The following PCDH7 variants were observed in gnomAD, a reference collection of about 807,000 sequenced individuals.
PCDH7 encodes protocadherin-7.
PCDH7 carries 17 observed loss-of-function variants against 58.9 expected under a neutral mutation model. That is an observed-to-expected ratio of 0.29 (90% CI 0.20 to 0.43). The LOEUF is 0.43. PCDH7 is among the 20% of genes least tolerant of loss of function. The pLI is 1.00. For synonymous variants in PCDH7, 664 were observed against 616.4 expected (o/e 1.08, Z -1.14); for missense variants, 1,274 against 1,441.0 (o/e 0.88, Z 1.88).
At chr4:30,747,748 A>C (rs1356949772) in intron 1 of PCDH7, among the ~76,000 whole-genome samples, 1 of 152,224 alleles carries the variant, frequency 6.6e-6, no homozygotes, top group Non-Finnish European at 1.5e-5. Context: ...ATGTAAGGTA[A>C]CATATTCACA....
chr4:30,747,385 T>C (rs1427178130), intron 1 of PCDH7, among the ~76,000 whole-genome samples: 1 of 152,230 alleles, frequency 6.6e-6, no homozygotes, highest in Non-Finnish European at 1.5e-5. Context: ...ACTTTTTTAT[T>C]TTAAATGGCT....
intron 3 of PCDH7, among the ~76,000 whole-genome samples, chr4:31,054,154 G>A (rs1756965696): frequency 6.6e-6 from 1 of 151,954 alleles, no homozygotes; most frequent in Admixed American, 6.6e-5. Flanking sequence ...TTGTAGAGAT[G>A]GGGGTTTCAC....
chr4:30,842,289 G>T (rs909732041), intron 1 of PCDH7, among the ~76,000 whole-genome samples: 2 of 152,214 alleles, frequency 1.3e-5, no homozygotes, highest in Non-Finnish European at 2.9e-5. Context: ...TTAACCGAAT[G>T]CATAGAAATA....
At chr4:31,141,538 T>C (rs1560263538) in intron 3 of PCDH7, among the ~76,000 whole-genome samples, 2 of 152,236 alleles carry the variant, frequency 1.3e-5, no homozygotes, top group Admixed American at 1.3e-4. Flanking sequence ...ACATAACCAT[T>C]CTCCAAAGAC....
intron 3 of PCDH7, among the ~76,000 whole-genome samples, chr4:30,957,996 A>G (rs1271451118): frequency 6.6e-6 from 1 of 152,110 alleles, no homozygotes; most frequent in Non-Finnish European, 1.5e-5. Flanking sequence ...GAAAATTGTC[A>G]TTATGCTTTA....
intron 3 of PCDH7, among the ~76,000 whole-genome samples, chr4:31,052,158 T>C (rs1319277278): frequency 6.6e-6 from 1 of 152,148 alleles, no homozygotes; most frequent in South Asian, 2.1e-4. Context: ...AAGTGTTGAC[T>C]TGAAGTGATG....
chr4:30,957,023 T>C (rs2109454409), intron 3 of PCDH7, among the ~76,000 whole-genome samples: 1 of 152,284 alleles, frequency 6.6e-6, no homozygotes, highest in African/African-American at 2.4e-5. Context: ...TAACAACTCT[T>C]GCCAGAAGTA....
chr4:30,978,748 T>C (rs1236712276), intron 3 of PCDH7, among the ~76,000 whole-genome samples: 1 of 152,170 alleles, frequency 6.6e-6, no homozygotes, highest in East Asian at 1.9e-4. Flanking sequence ...TTTGTTTTAG[T>C]AATATCTGTA....
chr4:31,032,664 AAGGAAGGG>A (rs1277823187), intron 3 of PCDH7, among the ~76,000 whole-genome samples: 1 of 82,992 alleles, frequency 1.2e-5, no homozygotes, highest in East Asian at 6.0e-4. Flanking sequence ...GAGAGGAAGG[AAGGAAGGG>A]AGGGAGGGAG....
chr4:31,102,828 A>G (rs1715074191), intron 3 of PCDH7, among the ~76,000 whole-genome samples: 1 of 152,208 alleles, frequency 6.6e-6, no homozygotes, highest in Admixed American at 6.5e-5. Flanking sequence ...TATGAGACAT[A>G]GTAATAACAA....
chr4:31,105,227 A>G (rs528049799), intron 3 of PCDH7, among the ~76,000 whole-genome samples: 3 of 152,340 alleles, frequency 2.0e-5, no homozygotes, highest in African/African-American at 7.2e-5. Context: ...ATATAAAGCT[A>G]TTAAGTCAAT....
At position 31,011,539 on chromosome 4, in the gene PCDH7, A is replaced by C. The variant is rs1444709116; in HGVS notation, c.*7+61324A>C. ...TTCTTCTTTTCTCTCTTCTTTGCAG[A>C]TAAGACATGTTCTAATGTTTGCATA... On this transcript the variant is annotated intron_variant, in intron 3 of 3. Coordinates refer to the PCDH7 transcript ENST00000509759. Among the ~76,000 whole-genome samples, 3 of 152,114 alleles carry C rather than the reference A, an allele frequency of 2.0e-5. No individual in the cohort carries two copies. In the South Asian group the frequency reaches 6.2e-4, roughly 32 times the overall value.
chr4:30,842,537 A>C (rs991452007), intron 1 of PCDH7, among the ~76,000 whole-genome samples: 3 of 152,194 alleles, frequency 2.0e-5, no homozygotes, highest in Non-Finnish European at 4.4e-5. Context: ...CAGAACATAT[A>C]GGTATCTCAA....
At chr4:30,943,498 A>G (rs1421096468) in intron 2 of PCDH7, among the ~76,000 whole-genome samples, 1 of 152,152 alleles carries the variant, frequency 6.6e-6, no homozygotes, top group Non-Finnish European at 1.5e-5. Flanking sequence ...AAAATCTGTC[A>G]AAACAAAACA....
chr4:30,995,627 G>A (rs576453632), intron 3 of PCDH7, among the ~76,000 whole-genome samples: 11 of 152,106 alleles, frequency 7.2e-5, no homozygotes, highest in Middle Eastern at 3.2e-3. Flanking sequence ...TTACAGTTCT[G>A]GAGTTCGGAA....
intron 3 of PCDH7, among the ~76,000 whole-genome samples, chr4:31,000,701 A>G (rs1752295138): frequency 6.6e-6 from 1 of 151,888 alleles, no homozygotes; most frequent in African/African-American, 2.4e-5. Flanking sequence ...CTTCTCTCCT[A>G]CAAAACATGT....
intron 3 of PCDH7, among the ~76,000 whole-genome samples, chr4:31,092,034 T>TA (rs1392612718): frequency 6.6e-6 from 1 of 151,972 alleles, no homozygotes; most frequent in African/African-American, 2.4e-5. Flanking sequence ...ACGCACGTGT[T>TA]TAGATTTTCC....
intron 3 of PCDH7, among the ~76,000 whole-genome samples, chr4:30,960,327 T>C (rs1177055552): frequency 6.6e-6 from 1 of 152,100 alleles, no homozygotes; most frequent in Non-Finnish European, 1.5e-5. Flanking sequence ...TGGGAATGAA[T>C]TCGAAAATGA....
chr4:30,801,113 G>A (rs1725472099), intron 1 of PCDH7, among the ~76,000 whole-genome samples: 1 of 152,128 alleles, frequency 6.6e-6, no homozygotes, highest in Non-Finnish European at 1.5e-5. Flanking sequence ...AGAAGCATAT[G>A]GACAGAAGGA....
Sources: allele counts gnomAD v4.1 joint callset (sites outside exome capture counted in the v4.1 genomes callset), GRCh38; gene constraint gnomAD v4.1.1; transcripts MANE v1.5; gene names NCBI Gene and HGNC (gene_info 2026-07-23, HGNC 2026-07-21).